DCC: variants seen among roughly 807,000 people sequenced by gnomAD.
DCC encodes DCC netrin 1 receptor.
In DCC, 58 loss-of-function variants were observed where a neutral mutation model predicts 172.5. The observed-to-expected ratio is 0.34, with a 90% CI of 0.27 to 0.42. DCC has a LOEUF of 0.42. Ranked by LOEUF, DCC falls within the 10% of genes least tolerant of loss-of-function variation. The pLI is 1.00. For missense variants in DCC, 1,740 were observed against 1,791.0 expected (o/e 0.97, Z 0.51); for synonymous variants, 709 against 644.5 (o/e 1.10, Z -1.52).
chr18:53,329,404 A>C (rs1332729691), intron 14 of DCC, among the ~76,000 whole-genome samples: 1 of 152,016 alleles, frequency 6.6e-6, no homozygotes, highest in African/African-American at 2.4e-5. Flanking sequence ...AAAACCTATT[A>C]GAGCTAATAA....
chr18:53,283,261 T>C (rs1232659981), intron 12 of DCC, among the ~76,000 whole-genome samples: 1 of 152,190 alleles, frequency 6.6e-6, no homozygotes. Context: ...GGCTTTAACA[T>C]GATAAAATAG....
chr18:53,512,061 T>C (rs1451389884), intron 27 of DCC, among the ~76,000 whole-genome samples: 4 of 152,110 alleles, frequency 2.6e-5, no homozygotes, highest in African/African-American at 9.7e-5. Context: ...TAAATGTCCC[T>C]GTCTGACAGC....
At chr18:53,073,608 A>AG (rs1386100817) in intron 7 of DCC, among the ~76,000 whole-genome samples, 4 of 152,192 alleles carry the variant, frequency 2.6e-5, no homozygotes, top group African/African-American at 9.6e-5. Flanking sequence ...GTTAAAAAAA[A>AG]TAGTTTCACT....
intron 11 of DCC, among the ~76,000 whole-genome samples, chr18:53,209,734 A>G (rs920575969): frequency 1.3e-4 from 20 of 152,224 alleles, no homozygotes; most frequent in African/African-American, 4.8e-4. Flanking sequence ...TTGGTAGAAT[A>G]AATTACTTCA....
At chr18:53,061,536 ATAAAGGGAAAGGAGGGTTAGAAAGG>A (rs2042494823) in intron 5 of DCC, among the ~76,000 whole-genome samples, 1 of 152,156 alleles carries the variant, frequency 6.6e-6, no homozygotes, top group African/African-American at 2.4e-5. Context: ...AACTTAAATA[ATAAAGGGAAAGGAGGGTTAGAAAGG>A]TGATTTTATT....
chr18:52,480,184 T>A lies in DCC; in HGVS notation c.91+139306T>A, dbSNP rs546099270. Among the ~76,000 whole-genome samples, 16 of 152,286 alleles carry A rather than the reference T, an allele frequency of 1.1e-4. No homozygotes were observed. In the South Asian group the frequency reaches 3.1e-3, roughly 30 times the overall value. ...CTCTTCTACCATCTTTACTATTCAATATTATATTAGCCTAATATTCCAGAA... is the reference window on the plus strand; with the variant it reads ...CTCTTCTACCATCTTTACTATTCAAAATTATATTAGCCTAATATTCCAGAA... On this transcript the variant is annotated intron_variant, in intron 1 of 28. Coordinates refer to ENST00000442544, the MANE Select transcript of DCC (RefSeq NM_005215.4).
intron 1 of DCC, among the ~76,000 whole-genome samples, chr18:52,513,833 G>A (rs1045962705): frequency 6.6e-6 from 1 of 152,140 alleles, no homozygotes; most frequent in African/African-American, 2.4e-5. Context: ...AGTTCTTTGA[G>A]GTTTGTTTCA....
At chr18:53,062,644 T>C (rs2042512093) in intron 5 of DCC, among the ~76,000 whole-genome samples, 2 of 152,162 alleles carry the variant, frequency 1.3e-5, no homozygotes, top group Non-Finnish European at 2.9e-5. Context: ...ATTGCAAATT[T>C]CCATCATAGA....
intron 7 of DCC, among the ~76,000 whole-genome samples, chr18:53,069,628 A>G (rs1157020427): frequency 6.6e-6 from 1 of 151,932 alleles, no homozygotes; most frequent in African/African-American, 2.4e-5. Context: ...AACAAAAAAA[A>G]AAAAAAAGAA....
intron 1 of DCC, among the ~76,000 whole-genome samples, chr18:52,364,375 CAG>C (rs1268840334): frequency 2.0e-5 from 3 of 152,112 alleles, no homozygotes; most frequent in Non-Finnish European, 2.9e-5. Flanking sequence ...TTACATGACT[CAG>C]AGTTAATTAC....
chr18:52,994,823 G>A (rs2041453212), intron 5 of DCC, among the ~76,000 whole-genome samples: 1 of 152,060 alleles, frequency 6.6e-6, no homozygotes, highest in African/African-American at 2.4e-5. Context: ...ACATTCATAG[G>A]CAATTAAGTT....
intron 9 of DCC, among the ~76,000 whole-genome samples, chr18:53,200,407 C>T (rs1368911339): frequency 6.6e-6 from 1 of 152,136 alleles, no homozygotes; most frequent in Non-Finnish European, 1.5e-5. Context: ...TTTATGGTAA[C>T]ATTTGTAACT....
chr18:52,658,267 A>T (rs1202867193), intron 1 of DCC, among the ~76,000 whole-genome samples: 1 of 152,208 alleles, frequency 6.6e-6, no homozygotes, highest in Non-Finnish European at 1.5e-5. Flanking sequence ...ATAGGTAGAA[A>T]ACATGACAAA....
chr18:52,416,067 G>T (rs1192962819), intron 1 of DCC, among the ~76,000 whole-genome samples: 2 of 151,892 alleles, frequency 1.3e-5, no homozygotes. Flanking sequence ...ATTCTGGTAT[G>T]TTGTGTCTTT....
chr18:53,181,534 T>C (rs2055196936), intron 9 of DCC, among the ~76,000 whole-genome samples: 1 of 151,754 alleles, frequency 6.6e-6, no homozygotes, highest in African/African-American at 2.4e-5. Flanking sequence ...TATGATAAAA[T>C]GATACAATAT....
chr18:53,040,638 T>C (rs1408413696), intron 5 of DCC, among the ~76,000 whole-genome samples: 3 of 152,014 alleles, frequency 2.0e-5, no homozygotes, highest in African/African-American at 7.2e-5. Context: ...GTGGGAGTTA[T>C]AGGAATACAC....
chr18:53,282,506 A>G (rs763549919), intron 12 of DCC, among the ~76,000 whole-genome samples: 1 of 152,162 alleles, frequency 6.6e-6, no homozygotes, highest in Non-Finnish European at 1.5e-5. Flanking sequence ...ACCAATCACA[A>G]CTTTGCCTTA....
intron 9 of DCC, among the ~76,000 whole-genome samples, chr18:53,199,544 T>C (rs1370758193): frequency 6.6e-6 from 1 of 152,102 alleles, no homozygotes; most frequent in East Asian, 1.9e-4. Context: ...TATATGTACA[T>C]GCATACCTAT....
At chr18:52,642,170 G>A (rs547499452) in intron 1 of DCC, among the ~76,000 whole-genome samples, 10 of 151,494 alleles carry the variant, frequency 6.6e-5, no homozygotes, top group Middle Eastern at 3.4e-3. Context: ...CAGCGTTTGC[G>A]GTGACCTGGA....
Sources: allele counts gnomAD v4.1 joint callset (sites outside exome capture counted in the v4.1 genomes callset), GRCh38; gene constraint gnomAD v4.1.1; transcripts MANE v1.5; gene names NCBI Gene and HGNC (gene_info 2026-07-23, HGNC 2026-07-21).